Variants in DCC observed in about 807,000 individuals in gnomAD.
The protein encoded by DCC is netrin receptor DCC.
In DCC, 58 loss-of-function variants were observed where a neutral mutation model predicts 172.5. The ratio of observed to expected loss-of-function variants is 0.34; its 90% confidence interval spans 0.27 to 0.42. DCC has a LOEUF of 0.42. DCC is among the 10% of genes least tolerant of loss of function. DCC has a pLI of 1.00. For missense variants in DCC, 1,740 were observed against 1,791.0 expected (o/e 0.97, Z 0.51); for synonymous variants, 709 against 644.5 (o/e 1.10, Z -1.52).
At chr18:52,393,040 A>G (rs1279153336) in intron 1 of DCC, among the ~76,000 whole-genome samples, 2 of 152,090 alleles carry the variant, frequency 1.3e-5, no homozygotes, top group East Asian at 3.9e-4. Flanking sequence ...CTGAGAAGTG[A>G]TGAAATTAGA....
At chr18:53,285,500 A>AT (rs370989916) in intron 12 of DCC, among the ~76,000 whole-genome samples, 4 of 152,332 alleles carry the variant, frequency 2.6e-5, no homozygotes, top group African/African-American at 9.6e-5. Context: ...CTTTACCTAG[A>AT]TTTCAGAAAA....
chr18:53,264,834 G>A (rs2056653692), intron 12 of DCC, among the ~76,000 whole-genome samples: 1 of 152,134 alleles, frequency 6.6e-6, no homozygotes. Context: ...AAGCAGTGCG[G>A]TAGAAGCATC....
At chr18:52,376,414 A>G (rs555218135) in intron 1 of DCC, among the ~76,000 whole-genome samples, 1 of 152,250 alleles carries the variant, frequency 6.6e-6, no homozygotes, top group East Asian at 1.9e-4. Flanking sequence ...TTGTCTCTGA[A>G]GATTTCTGTT....
chr18:52,615,666 G>T (rs1219084590), intron 1 of DCC, among the ~76,000 whole-genome samples: 4 of 151,980 alleles, frequency 2.6e-5, no homozygotes, highest in African/African-American at 9.7e-5. Context: ...TGGGGAATAG[G>T]GCTCTTCTAA....
At chr18:53,380,302 C>G (rs1907618661) in intron 15 of DCC, among the ~76,000 whole-genome samples, 1 of 152,148 alleles carries the variant, frequency 6.6e-6, no homozygotes, top group Non-Finnish European at 1.5e-5. Flanking sequence ...TTCTTACATA[C>G]TGGTAGAAAA....
chr18:53,011,278 T>C (rs2041727407), intron 5 of DCC, among the ~76,000 whole-genome samples: 1 of 151,716 alleles, frequency 6.6e-6, no homozygotes, highest in Admixed American at 6.6e-5. Flanking sequence ...ATATTCTATT[T>C]GGAAAAATAA....
intron 2 of DCC, among the ~76,000 whole-genome samples, chr18:52,878,926 A>C (rs1239185792): frequency 6.6e-6 from 1 of 152,046 alleles, no homozygotes; most frequent in African/African-American, 2.4e-5. Context: ...TCTAAAACAC[A>C]CCCGGGCACA....
intron 9 of DCC, among the ~76,000 whole-genome samples, chr18:53,180,297 T>G (rs908025158): frequency 6.6e-6 from 1 of 152,164 alleles, no homozygotes; most frequent in Non-Finnish European, 1.5e-5. Flanking sequence ...GAGGGCTAAG[T>G]TGTGCAAGTA....
At chr18:52,657,195 G>C (rs1330270027) in intron 1 of DCC, among the ~76,000 whole-genome samples, 2 of 152,180 alleles carry the variant, frequency 1.3e-5, no homozygotes, top group African/African-American at 2.4e-5. Context: ...CACTATCTCT[G>C]TGATGTTCCC....
intron 8 of DCC, among the ~76,000 whole-genome samples, chr18:53,162,428 T>C (rs1157381943): frequency 6.6e-6 from 1 of 152,192 alleles, no homozygotes; most frequent in Non-Finnish European, 1.5e-5. Context: ...AGTCTTACCA[T>C]AGCAGCTGGA....
intron 12 of DCC, among the ~76,000 whole-genome samples, chr18:53,218,236 A>C (rs1355873576): frequency 6.6e-6 from 1 of 152,154 alleles, no homozygotes; most frequent in Non-Finnish European, 1.5e-5. Context: ...CATATTTGTA[A>C]ATATAGAGCA....
chr18:53,329,123 A>T (rs35218771), intron 14 of DCC, among the ~76,000 whole-genome samples: 36 of 152,150 alleles, frequency 2.4e-4, no homozygotes, highest in South Asian at 4.1e-4. Flanking sequence ...GCAGTTTTTT[A>T]AAAAAATATT....
chr18:52,484,914 TTG>T (rs1267656114), intron 1 of DCC, among the ~76,000 whole-genome samples: 1 of 152,164 alleles, frequency 6.6e-6, no homozygotes, highest in East Asian at 1.9e-4. Flanking sequence ...AAAACTTTTG[TTG>T]TCTGATTGAT....
chr18:52,387,574 TCTTCCTTCCTTCCTTCCTTC>T lies in DCC; in HGVS notation c.91+46737_91+46756del, dbSNP rs58543615. Among the ~76,000 whole-genome samples the T allele has an allele frequency of 8.4e-3, 1,030 of 122,080 alleles. 9 individuals are homozygous for T. The highest frequency in any genetic ancestry group is 0.022 in the African/African-American group (662 of 30,738). 80.1% of individuals were successfully genotyped at this position (122,080 alleles called of 152,430 possible). ...CAAAGCCAGGCTGTTTTGTTTTGTT[TCTTCCTTCCTTCCTTCCTTC>T]CTTCCTTCCTTCCTTCCTTCCTTCC... On this transcript the variant is annotated intron_variant, in intron 1 of 28. Coordinates refer to ENST00000442544, the MANE Select transcript of DCC (RefSeq NM_005215.4).
At chr18:52,504,531 G>T (rs151071445) in intron 1 of DCC, among the ~76,000 whole-genome samples, 4 of 152,146 alleles carry the variant, frequency 2.6e-5, no homozygotes, top group Non-Finnish European at 2.9e-5. Flanking sequence ...AAGCACAGTG[G>T]CTGTGGGGTC....
chr18:53,393,026 T>C (rs1056824338), intron 17 of DCC, among the ~76,000 whole-genome samples: 3 of 152,210 alleles, frequency 2.0e-5, no homozygotes, highest in Non-Finnish European at 4.4e-5. Context: ...AACCGCTTGA[T>C]TGGGGTAGCT....
chr18:52,628,263 T>C (rs1167138469), intron 1 of DCC, among the ~76,000 whole-genome samples: 5 of 152,184 alleles, frequency 3.3e-5, no homozygotes, highest in Admixed American at 1.3e-4. Flanking sequence ...TTATCATACT[T>C]GGAAACATTC....
At chr18:52,979,410 C>G (rs1316172763) in intron 5 of DCC, among the ~76,000 whole-genome samples, 1 of 152,116 alleles carries the variant, frequency 6.6e-6, no homozygotes, top group East Asian at 1.9e-4. Context: ...ATGAGTGGTG[C>G]AGGGCCTGCC....
intron 2 of DCC, among the ~76,000 whole-genome samples, chr18:52,873,444 A>T (rs182311671): frequency 1.1e-3 from 165 of 152,288 alleles, no homozygotes; most frequent in African/African-American, 3.8e-3. Context: ...ATGGACTGTT[A>T]TTGGCTATTC....
Sources: gnomAD v4.1 joint callset for allele counts (sites outside exome capture counted in the v4.1 genomes callset) on GRCh38, gnomAD v4.1.1 for gene constraint, MANE v1.5 for transcripts, NCBI Gene and HGNC (gene_info 2026-07-23, HGNC 2026-07-21) for gene names.